DLGAP1: variants seen among roughly 807,000 people sequenced by gnomAD.
The protein encoded by DLGAP1 is DLG associated protein 1.
DLGAP1 carries 11 observed loss-of-function variants against 90.8 expected under a neutral mutation model. The ratio of observed to expected loss-of-function variants is 0.12; its 90% CI spans 0.08 to 0.20. The LOEUF (loss-of-function observed/expected upper bound fraction) is 0.20. Among genes scored for constraint, DLGAP1 ranks in the 10% least tolerant of loss-of-function variants. The probability of loss-of-function intolerance (pLI) is 1.00; values close to 1 mark genes in which losing one functional copy is unlikely to be tolerated. For synonymous variants in DLGAP1, 558 were observed against 540.7 expected, an observed-to-expected ratio of 1.03 and a Z score of -0.44; for missense variants, 1,050 against 1,333.8, an observed-to-expected ratio of 0.79 and a Z score of 3.31.
chr18:4,263,786 A>AT (rs112282908), intron 1 of DLGAP1, among the ~76,000 whole-genome samples: 6,727 of 152,182 alleles, frequency 0.044, 483 homozygotes, highest in African/African-American at 0.15. Flanking sequence ...TCATCTTTGT[A>AT]TTTTTTTAAT....
intron 1 of DLGAP1, among the ~76,000 whole-genome samples, chr18:4,285,026 T>A (rs1365228867): frequency 6.6e-6 from 1 of 151,802 alleles, no homozygotes; most frequent in Non-Finnish European, 1.5e-5. Context: ...TTACTTTTTG[T>A]AAAACTATTT....
rs1474318325 is a variant in DLGAP1 at position 3,989,888 on chromosome 18, A to G, written c.-73+15228T>C. On this transcript the variant is annotated intron_variant, in intron 3 of 12. Transcript: ENST00000315677. ...CCAAAAGACACATGAAAAAATGCTC[A>G]TCATCACTGGCCATCAGAGAAATGC... Among the ~76,000 whole-genome samples, 14 of 152,352 alleles carry G rather than the reference A, an allele frequency of 9.2e-5. No homozygotes were observed. The East Asian group carries it at 2.5e-3, about 27-fold the overall frequency.
intron 3 of DLGAP1, among the ~76,000 whole-genome samples, chr18:4,000,292 C>T (rs528720106): frequency 1.3e-4 from 20 of 152,194 alleles, no homozygotes; most frequent in Admixed American, 1.0e-3. Context: ...TCACTTTCTC[C>T]CCTGTTCCCT....
At chr18:3,759,618 G>A (rs922136690) in intron 5 of DLGAP1, among the ~76,000 whole-genome samples, 1 of 152,166 alleles carries the variant, frequency 6.6e-6, no homozygotes, top group Non-Finnish European at 1.5e-5. Flanking sequence ...TATGCATGAC[G>A]CTTATGCTGG....
At chr18:4,037,436 C>T (rs1019218444) in intron 2 of DLGAP1, among the ~76,000 whole-genome samples, 1 of 152,134 alleles carries the variant, frequency 6.6e-6, no homozygotes, top group Non-Finnish European at 1.5e-5. Context: ...CATCTTAAAA[C>T]TTCTTAGACT....
intron 2 of DLGAP1, among the ~76,000 whole-genome samples, chr18:4,127,094 T>C (rs927990912): frequency 6.6e-6 from 1 of 152,182 alleles, no homozygotes; most frequent in Non-Finnish European, 1.5e-5. Flanking sequence ...AGAATAACTA[T>C]ATCATTTCAG....
At chr18:3,599,119 TG>T (rs1296682233) in intron 7 of DLGAP1, among the ~76,000 whole-genome samples, 1 of 152,218 alleles carries the variant, frequency 6.6e-6, no homozygotes, top group Non-Finnish European at 1.5e-5. Context: ...ACTTGTCATT[TG>T]CCAAAATTAA....
chr18:4,244,698 G>A (rs2078617683), intron 1 of DLGAP1, among the ~76,000 whole-genome samples: 3 of 152,240 alleles, frequency 2.0e-5, no homozygotes, highest in African/African-American at 7.2e-5. Flanking sequence ...ATTTTCTTCA[G>A]CCATAAAATA....
intron 6 of DLGAP1, among the ~76,000 whole-genome samples, chr18:3,740,856 C>T (rs1341317229): frequency 6.7e-5 from 10 of 149,522 alleles, no homozygotes; most frequent in Admixed American, 5.3e-4. Context: ...ACCACCATCA[C>T]GACCACCACC....
At chr18:3,905,597 T>C (rs2148887515) in intron 3 of DLGAP1, among the ~76,000 whole-genome samples, 1 of 152,232 alleles carries the variant, frequency 6.6e-6, no homozygotes, top group South Asian at 2.1e-4. Context: ...TTTTGCCTTT[T>C]AAAAGTTATT....
intron 2 of DLGAP1, among the ~76,000 whole-genome samples, chr18:4,107,244 T>C (rs774205918): frequency 2.0e-5 from 3 of 152,202 alleles, no homozygotes; most frequent in Non-Finnish European, 4.4e-5. Flanking sequence ...TGGAATGTGA[T>C]TCACAATTCA....
chr18:4,332,813 C>T (rs976185929), intron 1 of DLGAP1, among the ~76,000 whole-genome samples: 1 of 151,970 alleles, frequency 6.6e-6, no homozygotes, highest in Admixed American at 6.5e-5. Context: ...TTCCTTCTGA[C>T]CTCTCAGCTA....
intron 1 of DLGAP1, among the ~76,000 whole-genome samples, chr18:4,208,440 A>G (rs1156731023): frequency 6.6e-6 from 1 of 152,204 alleles, no homozygotes; most frequent in Non-Finnish European, 1.5e-5. Context: ...AACCAATGCA[A>G]AGCCCAATGA....
intron 4 of DLGAP1, among the ~76,000 whole-genome samples, chr18:3,869,252 T>C (rs2148786984): frequency 6.6e-6 from 1 of 152,006 alleles, no homozygotes; most frequent in East Asian, 1.9e-4. Context: ...CCTGATCCAC[T>C]GAGGCTGAGC....
At chr18:4,335,622 A>T in intron 1 of DLGAP1, among the ~76,000 whole-genome samples, 1 of 149,766 alleles carries the variant, frequency 6.7e-6, no homozygotes, top group African/African-American at 2.6e-5. Flanking sequence ...GGAGGAAACA[A>T]GGTCCTCTTT....
intron 1 of DLGAP1, among the ~76,000 whole-genome samples, chr18:4,192,233 A>G (rs2077415396): frequency 6.6e-6 from 1 of 152,074 alleles, no homozygotes; most frequent in Admixed American, 6.6e-5. Context: ...AAAAAACACA[A>G]AACCATTGTC....
chr18:4,276,521 A>G (rs1490375241), intron 1 of DLGAP1, among the ~76,000 whole-genome samples: 1 of 152,016 alleles, frequency 6.6e-6, no homozygotes, highest in Non-Finnish European at 1.5e-5. Flanking sequence ...CTGTAATCCC[A>G]GCTACTTGGG....
intron 1 of DLGAP1, among the ~76,000 whole-genome samples, chr18:4,155,450 T>C (rs62086464): frequency 6.1e-4 from 93 of 152,180 alleles, no homozygotes; most frequent in Non-Finnish European, 1.0e-3. Context: ...GGAATAGTAG[T>C]AGGTACAGAT....
chr18:3,512,049 T>C (rs973018084), intron 10 of DLGAP1, among the ~76,000 whole-genome samples: 2 of 143,278 alleles, frequency 1.4e-5, no homozygotes, highest in African/African-American at 5.0e-5. Flanking sequence ...TTGATCTCTT[T>C]CACATTCTGG....
Sources: gnomAD v4.1 joint callset for allele counts (sites outside exome capture counted in the v4.1 genomes callset) on GRCh38, gnomAD v4.1.1 for gene constraint, MANE v1.5 for transcripts, NCBI Gene and HGNC (gene_info 2026-07-23, HGNC 2026-07-21) for gene names.